RAMP1: variants seen among roughly 807,000 people sequenced by gnomAD.
RAMP1 encodes receptor activity-modifying protein 1.
A neutral mutation model predicts 8.2 loss-of-function variants in RAMP1; 7 were observed. That is an observed-to-expected ratio of 0.85 (90% confidence interval 0.49 to 1.60). RAMP1 has a LOEUF of 1.60. Among genes scored for constraint, RAMP1 ranks in the 40% most tolerant of loss-of-function variants. RAMP1 has a pLI of 0.00. For synonymous variants in RAMP1, 92 were observed against 84.7 expected, an observed-to-expected ratio of 1.09 and a Z score of -0.47; for missense variants, 192 against 202.4, an observed-to-expected ratio of 0.95 and a Z score of 0.31.
chr2:237,897,789 T>G (rs1437197286), intron 2 of RAMP1, among the ~76,000 whole-genome samples: 19 of 146,656 alleles, frequency 1.3e-4, no homozygotes, highest in Non-Finnish European at 2.9e-4. Flanking sequence ...GGGGGGGGTT[T>G]TGTTTTTTGT....
chr2:237,882,849 C>G (rs2062385297), intron 2 of RAMP1, among the ~76,000 whole-genome samples: 1 of 126,114 alleles, frequency 7.9e-6, no homozygotes, highest in Non-Finnish European at 1.6e-5. Flanking sequence ...GCAGGTGGCA[C>G]TGTGTCTGTT....
rs116530237 is a variant in RAMP1 at position 237,886,451 on chromosome 2, G to A, written c.191+9089G>A. ...TGACACCTGCCTGCTGGGCTGGGGGGCTCTGGAATGGGGAGGAGGAGCCCC... is the reference window on the plus strand; with the variant it reads ...TGACACCTGCCTGCTGGGCTGGGGGACTCTGGAATGGGGAGGAGGAGCCCC... On this transcript the variant is annotated intron_variant, in intron 2 of 2. Coordinates refer to ENST00000254661, the MANE Select transcript of RAMP1 (RefSeq NM_005855.4). Among the ~76,000 whole-genome samples, 1,108 of 152,302 alleles carry A rather than the reference G, an allele frequency of 7.3e-3. 20 individuals carry two copies. The highest frequency in any genetic ancestry group is 0.026 in the African/African-American group (1,066 of 41,558).
chr2:237,894,459 A>G (rs2062517656), intron 2 of RAMP1, among the ~76,000 whole-genome samples: 1 of 152,212 alleles, frequency 6.6e-6, no homozygotes, highest in South Asian at 2.1e-4. Flanking sequence ...GGCCAGGGCG[A>G]GGCTGGCTGT....
chr2:237,906,429 C>G (rs2062652235), intron 2 of RAMP1, among the ~76,000 whole-genome samples: 1 of 152,130 alleles, frequency 6.6e-6, no homozygotes. Context: ...TGCTGGGATG[C>G]CGGAGAGGCC....
chr2:237,898,037 G>C (rs2062560616), intron 2 of RAMP1, among the ~76,000 whole-genome samples: 1 of 152,154 alleles, frequency 6.6e-6, no homozygotes, highest in African/African-American at 2.4e-5. Flanking sequence ...GACCTCAGGT[G>C]ATCCACCCTC....
chr2:237,859,062 G>GC (rs970191514), upstream of RAMP1: 6 of 152,630 alleles, frequency 3.9e-5, no homozygotes, highest in African/African-American at 1.2e-4. Flanking sequence ...CTGTTCACCT[G>GC]CCGTGCTGTC....
intron 2 of RAMP1, among the ~76,000 whole-genome samples, chr2:237,883,175 C>T (rs573884198): frequency 3.3e-5 from 5 of 152,274 alleles, no homozygotes; most frequent in African/African-American, 9.6e-5. Flanking sequence ...CTGCCACATG[C>T]CTGCTGCCGC....
intron 2 of RAMP1, among the ~76,000 whole-genome samples, chr2:237,882,847 C>T (rs2062385244): frequency 6.6e-6 from 1 of 152,170 alleles, no homozygotes; most frequent in Non-Finnish European, 1.5e-5. Context: ...GGGCAGGTGG[C>T]ACTGTGTCTG....
Position 237,861,250 on chromosome 2 carries a change from A to T in RAMP1, c.52+1523A>T, listed in dbSNP as rs533553814. Among the ~76,000 whole-genome samples the T allele has an allele frequency of 4.6e-5, 7 of 152,240 alleles. No individual in the cohort carries two copies. In the East Asian group the frequency reaches 1.2e-3, roughly 25 times the overall value. On this transcript the variant is annotated intron_variant, in intron 1 of 2. Coordinates refer to ENST00000254661, the MANE Select transcript of RAMP1 (RefSeq NM_005855.4). ...CTATTCATGTTCTGCCGAAAGTCCAAAGTCCTGTAATTTTAACGTTATTTT... is the reference window on the plus strand; with the variant it reads ...CTATTCATGTTCTGCCGAAAGTCCATAGTCCTGTAATTTTAACGTTATTTT...
chr2:237,895,885 A>G (rs2062537681), intron 2 of RAMP1, among the ~76,000 whole-genome samples: 1 of 152,122 alleles, frequency 6.6e-6, no homozygotes, highest in Non-Finnish European at 1.5e-5. Context: ...GACACATGTC[A>G]CACCCATGTC....
At position 237,911,690 on chromosome 2, in the gene RAMP1, C is replaced by CCT. The variant is rs1559179421; in HGVS notation, c.357_358dup (p.Tyr120SerfsTer11). 1.9e-6 allele frequency: 3 copies of CCT among 1,614,026 alleles called. No homozygotes were observed. In the South Asian group the frequency reaches 3.3e-5, roughly 18 times the overall value. On this transcript the variant is annotated frameshift_variant, in exon 3 of 3. Transcript: ENST00000254661. LOFTEE classifies it high-confidence loss of function. ...CCGTGCGGGACCCGCCCGGCAGCAT[C>CCT]CTCTACCCCTTCATCGTGGTCCCCA...
Position 237,878,785 on chromosome 2 carries a change from T to C in RAMP1, c.191+1423T>C, listed in dbSNP as rs1303660740. ...TTTTAAAAAGTAGGAAAGCATGGGGTATATGCAGGTGTGCATGCTGGGATT... is the reference window on the plus strand; with the variant it reads ...TTTTAAAAAGTAGGAAAGCATGGGGCATATGCAGGTGTGCATGCTGGGATT... On this transcript the variant is annotated intron_variant, in intron 2 of 2. Coordinates refer to ENST00000254661, the MANE Select transcript of RAMP1 (RefSeq NM_005855.4). The surrounding 1 kb of genome is among the most constrained non-coding windows in gnomAD (Gnocchi z 5.7). 1.3e-5 allele frequency among the ~76,000 whole-genome samples: 2 copies of C among 152,354 alleles called. No homozygotes were observed. The highest frequency in any genetic ancestry group is 2.9e-5 in the Non-Finnish European group (2 of 68,030).
At chr2:237,861,208 C>T (rs1247079736) in intron 1 of RAMP1, among the ~76,000 whole-genome samples, 2 of 152,092 alleles carry the variant, frequency 1.3e-5, no homozygotes, top group Non-Finnish European at 2.9e-5. Flanking sequence ...AAAGACCTTC[C>T]TTGTTTACCG....
chr2:237,871,195 G>A (rs2062240817), intron 1 of RAMP1, among the ~76,000 whole-genome samples: 2 of 152,236 alleles, frequency 1.3e-5, no homozygotes, highest in Non-Finnish European at 2.9e-5. Flanking sequence ...AAGTTGGAAT[G>A]AGAGGGTCTT....
intron 2 of RAMP1, among the ~76,000 whole-genome samples, chr2:237,882,794 T>A (rs1294800495): frequency 7.0e-6 from 1 of 142,848 alleles, no homozygotes; most frequent in Non-Finnish European, 1.5e-5. Flanking sequence ...ACAAATAGGG[T>A]GAGAGGCGCT....
intron 2 of RAMP1, among the ~76,000 whole-genome samples, chr2:237,885,921 G>A (rs893403668): frequency 2.0e-5 from 3 of 152,234 alleles, no homozygotes; most frequent in African/African-American, 4.8e-5. Flanking sequence ...CCAGCCCCGC[G>A]GGAGGCAGAG....
chr2:237,908,852 G>T (rs1285604884), intron 2 of RAMP1, among the ~76,000 whole-genome samples: 1 of 152,162 alleles, frequency 6.6e-6, no homozygotes, highest in Non-Finnish European at 1.5e-5. Flanking sequence ...CTTTGTCTGT[G>T]CCCTGGGGGT....
intron 1 of RAMP1, among the ~76,000 whole-genome samples, chr2:237,871,482 C>A (rs559420291): frequency 6.6e-6 from 1 of 152,204 alleles, no homozygotes; most frequent in African/African-American, 2.4e-5. Context: ...GGCCTCGCAA[C>A]CCACCAGGGA....
intron 2 of RAMP1, among the ~76,000 whole-genome samples, chr2:237,891,102 C>T (rs892723648): frequency 6.6e-6 from 1 of 151,826 alleles, no homozygotes; most frequent in Admixed American, 6.6e-5. Context: ...GGACTTTCCT[C>T]ATTCATCACT....
Sources: allele counts gnomAD v4.1 joint callset (sites outside exome capture counted in the v4.1 genomes callset), GRCh38; gene constraint gnomAD v4.1.1; non-coding constraint Gnocchi (gnomAD v3.1); transcripts MANE v1.5; gene names NCBI Gene and HGNC (gene_info 2026-07-23, HGNC 2026-07-21).